The following MSR1 variants were observed in gnomAD, a reference collection of about 807,000 sequenced individuals.
MSR1 encodes macrophage scavenger receptor types I and II.
A neutral mutation model predicts 47.2 loss-of-function variants in MSR1; 53 were observed. The observed-to-expected ratio is 1.12, with a 90% CI of 0.90 to 1.41. MSR1 has a LOEUF of 1.41. Ranked by LOEUF, MSR1 falls within the 40% of genes most tolerant of loss-of-function variation. The pLI is 0.00. For synonymous variants in MSR1, 239 were observed against 185.6 expected, an observed-to-expected ratio of 1.29 and a Z score of -2.34; for missense variants, 786 against 546.9, an observed-to-expected ratio of 1.44 and a Z score of -4.36.
chr8:16,138,052 A>G (rs1254972007), intron 8 of MSR1, among the ~76,000 whole-genome samples: 1 of 151,998 alleles, frequency 6.6e-6, no homozygotes, highest in Non-Finnish European at 1.5e-5. Flanking sequence ...ACTTTGATCA[A>G]CAATGCTTTG....
At chr8:16,134,889 A>G (rs929007595) in intron 8 of MSR1, among the ~76,000 whole-genome samples, 1 of 152,144 alleles carries the variant, frequency 6.6e-6, no homozygotes, top group Non-Finnish European at 1.5e-5. Context: ...TAACCATGAC[A>G]CTCACTTAAG....
chr8:16,127,178 C>A (rs1023437235), intron 8 of MSR1, among the ~76,000 whole-genome samples: 2 of 152,116 alleles, frequency 1.3e-5, no homozygotes, highest in African/African-American at 4.8e-5. Flanking sequence ...GGCCACAGCA[C>A]AAACTCCCTG....
At chr8:16,158,792 T>C (rs1236321730) in intron 5 of MSR1, among the ~76,000 whole-genome samples, 3 of 151,974 alleles carry the variant, frequency 2.0e-5, no homozygotes, top group African/African-American at 4.8e-5. Flanking sequence ...ATTTCATTTC[T>C]TTCCTGATCC....
intron 5 of MSR1, among the ~76,000 whole-genome samples, chr8:16,163,679 T>C (rs1801223173): frequency 6.6e-6 from 1 of 151,712 alleles, no homozygotes; most frequent in African/African-American, 2.4e-5. Context: ...ATCCTTTTAA[T>C]TAATAATACA....
At position 16,183,643 on chromosome 8, in the gene MSR1, A is replaced by AT. The variant is rs1801906234; in HGVS notation, c.-4-5652_-4-5651insA. Among the ~76,000 whole-genome samples, 4 of 142,536 alleles carry AT rather than the reference A, an allele frequency of 2.8e-5. No individual in the cohort carries two copies. In the South Asian group the frequency reaches 8.4e-4, roughly 30 times the overall value. The allele number at this position is 142,536 out of a possible 152,430, so 93.5% of individuals were successfully genotyped here. A position where few individuals can be genotyped will look rare whatever the true frequency, so the allele number is the denominator to read the frequency against. On this transcript the variant is annotated intron_variant, in intron 1 of 9. Coordinates refer to ENST00000262101, the MANE Select transcript of MSR1 (RefSeq NM_138715.3). The stretch of plus-strand genomic sequence containing the variant: ...TAATATATATAATATATAATATAAT[A>AT]AATATATTATCATATTAATATAACA...
At chr8:16,181,296 A>C (rs927498099) in intron 1 of MSR1, among the ~76,000 whole-genome samples, 1 of 152,148 alleles carries the variant, frequency 6.6e-6, no homozygotes, top group Admixed American at 6.6e-5. Context: ...GGTTGAACTA[A>C]TTTACACCCC....
At chr8:16,121,635 A>C (rs922284696) in intron 8 of MSR1, among the ~76,000 whole-genome samples, 1 of 151,782 alleles carries the variant, frequency 6.6e-6, no homozygotes, top group East Asian at 1.9e-4. Context: ...AATTTAGTTA[A>C]TATTAAATAA....
At chr8:16,176,875 G>T (rs1801664087) in intron 2 of MSR1, among the ~76,000 whole-genome samples, 1 of 152,132 alleles carries the variant, frequency 6.6e-6, no homozygotes, top group African/African-American at 2.4e-5. Context: ...ACTGTGCCCT[G>T]GAGTTGAGGT....
At chr8:16,147,837 T>C (rs186777266) in intron 7 of MSR1, among the ~76,000 whole-genome samples, 4 of 152,276 alleles carry the variant, frequency 2.6e-5, no homozygotes, top group South Asian at 2.1e-4. Flanking sequence ...TTTTTCTTTG[T>C]GCGTGATTAC....
In MSR1 at chr8:16,109,991, C is replaced by A. The variant is rs1445630842; in HGVS notation, c.*94G>T. 6.2e-6 allele frequency: 9 copies of A among 1,461,092 alleles called. No individual in the cohort carries two copies. The East Asian group carries it at 2.1e-4, about 34-fold the overall frequency. The allele number at this position is 1,461,092 out of a possible 1,614,324, so 90.5% of individuals were successfully genotyped here. A position where few individuals can be genotyped will look rare whatever the true frequency, so the allele number is the denominator to read the frequency against. On this transcript the variant is annotated 3_prime_UTR_variant, in exon 10 of 10. Transcript: ENST00000262101. ...ATATTATTTGGGCAATATTCTTAAT[C>A]TCTTAAATATTGATTAAATGGATTT...
chr8:16,175,078 T>C, intron 3 of MSR1, 109 bp downstream of exon 3: 1 of 879,520 alleles, frequency 1.1e-6, no homozygotes, highest in Non-Finnish European at 1.9e-6. Context: ...AATGCAGTAT[T>C]TTCTTTATGA....
chr8:16,119,633 T>C (rs1435335469), intron 9 of MSR1, among the ~76,000 whole-genome samples: 1 of 152,158 alleles, frequency 6.6e-6, no homozygotes, highest in Non-Finnish European at 1.5e-5. Flanking sequence ...CATTACTCAA[T>C]AAATCATAGC....
At chr8:16,186,048 G>T (rs375702465) in intron 1 of MSR1, 1 of 929,318 alleles carries the variant, frequency 1.1e-6, no homozygotes, top group Non-Finnish European at 1.6e-6. Context: ...TAGAATTTAA[G>T]TTGTTTTTCC....
chr8:16,154,017 G>A (rs1379969507), intron 6 of MSR1, among the ~76,000 whole-genome samples: 1 of 151,688 alleles, frequency 6.6e-6, no homozygotes, highest in East Asian at 1.9e-4. Flanking sequence ...TAAAACATGT[G>A]TACCTGGATG....
At chr8:16,187,459 C>A (rs1017517196) in intron 1 of MSR1, among the ~76,000 whole-genome samples, 43 of 150,902 alleles carry the variant, frequency 2.8e-4, no homozygotes, top group African/African-American at 1.0e-3. Flanking sequence ...ACCTACAACC[C>A]CTTGGGGCTT....
intron 8 of MSR1, among the ~76,000 whole-genome samples, chr8:16,136,325 C>T (rs1055961572): frequency 5.3e-5 from 8 of 152,120 alleles, no homozygotes; most frequent in Non-Finnish European, 1.0e-4. Context: ...GGAGGCAAGA[C>T]CCTCCACCAG....
Position 16,143,598 on chromosome 8 carries a change from T to A in MSR1, c.993A>T (p.Pro331=). The change falls in exon 8 of 10, where the codon CCA becomes CCT. Residue 331 remains proline, a synonymous_variant. Coordinates refer to ENST00000262101, the MANE Select transcript of MSR1 (RefSeq NM_138715.3). ...GYAGRPGNSG[P]KGQKGEKGSG... ...TCCCCTTTTCCCCTTTCTGGCCTTT[T>A]GGTCCAGAATTTCCTTGAGAAAAGA... is the stretch of plus-strand genomic sequence containing the variant. 6.2e-7 allele frequency: 1 copy of A among 1,612,414 alleles called. No individual in the cohort carries two copies. The highest frequency in any genetic ancestry group is 8.5e-7 in the Non-Finnish European group (1 of 1,178,942).
chr8:16,166,558 G>C (rs1044442336), intron 4 of MSR1, among the ~76,000 whole-genome samples: 1 of 152,000 alleles, frequency 6.6e-6, no homozygotes, highest in Non-Finnish European at 1.5e-5. Flanking sequence ...AGGAGGAAAA[G>C]TGTATTTAAT....
At chr8:16,182,504 T>C (rs1264520900) in intron 1 of MSR1, among the ~76,000 whole-genome samples, 1 of 152,166 alleles carries the variant, frequency 6.6e-6, no homozygotes, top group Non-Finnish European at 1.5e-5. Context: ...ATAAATTGTG[T>C]AGCTGTACAA....
Sources: gnomAD v4.1 joint callset for allele counts (sites outside exome capture counted in the v4.1 genomes callset) on GRCh38, gnomAD v4.1.1 for gene constraint, MANE v1.5 for transcripts, NCBI Gene and HGNC (gene_info 2026-07-23, HGNC 2026-07-21) for gene names.